The following ENTREP2 variants were observed in gnomAD, a reference collection of about 807,000 sequenced individuals.
The protein encoded by ENTREP2 is endosomal transmembrane epsin interactor 2, also known as protein ENTREP2.
chr15:29,647,725 G>A, the ENTREP2 span, among the ~76,000 whole-genome samples: 1 of 152,120 alleles, frequency 6.6e-6, no homozygotes, highest in Admixed American at 6.5e-5. Flanking sequence ...ATTCAATATA[G>A]AAGACTTTGC....
At chr15:29,303,984 G>A in the ENTREP2 span, among the ~76,000 whole-genome samples, 23 of 152,086 alleles carry the variant, frequency 1.5e-4, no homozygotes, top group African/African-American at 4.6e-4. Context: ...AGGTTCAGGC[G>A]ATTCTCTTGC....
chr15:29,351,444 A>T, the ENTREP2 span, among the ~76,000 whole-genome samples: 1 of 152,172 alleles, frequency 6.6e-6, no homozygotes, highest in Non-Finnish European at 1.5e-5. Flanking sequence ...TGTGTGATCA[A>T]TAATAACAGG....
the ENTREP2 span, among the ~76,000 whole-genome samples, chr15:29,223,668 A>T: frequency 6.6e-6 from 1 of 151,990 alleles, no homozygotes; most frequent in Non-Finnish European, 1.5e-5. Flanking sequence ...GCTAAACACA[A>T]TGCGGGCCCA....
chr15:29,620,346 G>A, the ENTREP2 span, among the ~76,000 whole-genome samples: 5 of 152,114 alleles, frequency 3.3e-5, no homozygotes, highest in Admixed American at 6.5e-5. Context: ...GCTGCAGGCC[G>A]GGTTGCTCTC....
the ENTREP2 span, among the ~76,000 whole-genome samples, chr15:29,363,229 C>T: frequency 3.7e-4 from 56 of 152,140 alleles, no homozygotes; most frequent in Admixed American, 1.8e-3. Context: ...ATGAATTTTC[C>T]GAATAAATAA....
chr15:29,458,292 G>A, the ENTREP2 span, among the ~76,000 whole-genome samples: 1 of 152,134 alleles, frequency 6.6e-6, no homozygotes, highest in Non-Finnish European at 1.5e-5. Context: ...CAGATTGGAG[G>A]ATGCATGCCC....
At chr15:29,256,634 T>C in the ENTREP2 span, among the ~76,000 whole-genome samples, 1 of 152,206 alleles carries the variant, frequency 6.6e-6, no homozygotes, top group Non-Finnish European at 1.5e-5. Context: ...GGTTCCTTTA[T>C]ATGTGGTTAC....
At chr15:29,123,614 G>A in the ENTREP2 span, 1 of 1,551,308 alleles carries the variant, frequency 6.4e-7, no homozygotes, top group Non-Finnish European at 8.7e-7. Flanking sequence ...GCTGGTGAAA[G>A]CTGGGCCCGA....
the ENTREP2 span, among the ~76,000 whole-genome samples, chr15:29,654,090 T>C: frequency 6.6e-6 from 1 of 152,108 alleles, no homozygotes. Flanking sequence ...ATTGCTATAA[T>C]TATACTTATC....
chr15:29,647,852 G>A, the ENTREP2 span, among the ~76,000 whole-genome samples: 39 of 152,210 alleles, frequency 2.6e-4, no homozygotes, highest in Non-Finnish European at 1.5e-5. Flanking sequence ...CAAGAGGTGG[G>A]ACATGATTTA....
At chr15:29,379,594 G>C in the ENTREP2 span, among the ~76,000 whole-genome samples, 6 of 152,202 alleles carry the variant, frequency 3.9e-5, no homozygotes, top group Admixed American at 3.9e-4. Context: ...ACTCCTGTAG[G>C]TCCAGCTGCT....
chr15:29,307,573 T>C, the ENTREP2 span, among the ~76,000 whole-genome samples: 1 of 152,350 alleles, frequency 6.6e-6, no homozygotes. Context: ...AAGTGTGCCC[T>C]CTCCATTCAT....
At chr15:29,297,606 G>C in the ENTREP2 span, among the ~76,000 whole-genome samples, 1 of 152,246 alleles carries the variant, frequency 6.6e-6, no homozygotes. Flanking sequence ...AAATCACAGA[G>C]AACACCAGAC....
At chr15:29,470,393 G>A in the ENTREP2 span, among the ~76,000 whole-genome samples, 8 of 152,152 alleles carry the variant, frequency 5.3e-5, no homozygotes, top group African/African-American at 9.7e-5. Context: ...TACCTGCTTC[G>A]TCTCGGGGAG....
the ENTREP2 span, among the ~76,000 whole-genome samples, chr15:29,235,560 G>A: frequency 6.6e-6 from 1 of 152,212 alleles, no homozygotes; most frequent in East Asian, 1.9e-4. Context: ...ATCAAAATAT[G>A]TGGAGTGCAG....
At chr15:29,269,048 T>C in the ENTREP2 span, 29 of 1,614,018 alleles carry the variant, frequency 1.8e-5, no homozygotes, top group Admixed American at 1.8e-4. Flanking sequence ...ATGAGTTTCT[T>C]TGGATCTCCG....
At chr15:29,301,992 G>A in the ENTREP2 span, among the ~76,000 whole-genome samples, 2 of 152,098 alleles carry the variant, frequency 1.3e-5, no homozygotes. Context: ...CCAGCCTATG[G>A]TATTTTGTTA....
the ENTREP2 span, among the ~76,000 whole-genome samples, chr15:29,479,680 TACATACACAC>T: frequency 1.8e-5 from 2 of 110,568 alleles, no homozygotes; most frequent in African/African-American, 9.2e-5. Context: ...CACACACACA[TACATACACAC>T]ACACACACAC....
the ENTREP2 span, among the ~76,000 whole-genome samples, chr15:29,644,704 G>A: frequency 6.6e-6 from 1 of 151,858 alleles, no homozygotes; most frequent in Non-Finnish European, 1.5e-5. Flanking sequence ...TCGGGAAGCT[G>A]AGGTAGGAGA....
Sources: gnomAD v4.1 joint callset for allele counts (sites outside exome capture counted in the v4.1 genomes callset) on GRCh38, gnomAD v4.1.1 for gene constraint, MANE v1.5 for transcripts, NCBI Gene and HGNC (gene_info 2026-07-23, HGNC 2026-07-21) for gene names.